ADAMTS9: variants seen among roughly 807,000 people sequenced by gnomAD.
ADAMTS9 encodes the protein A disintegrin and metalloproteinase with thrombospondin motifs 9.
A neutral mutation model predicts 257.1 loss-of-function variants in ADAMTS9; 107 were observed. That is an observed-to-expected ratio of 0.42 (90% confidence interval 0.36 to 0.49). The LOEUF (loss-of-function observed/expected upper bound fraction) is 0.49. Among genes scored for constraint, ADAMTS9 ranks in the 20% least tolerant of loss-of-function variants. The pLI is 0.03. For missense variants in ADAMTS9, 2,353 were observed against 2,469.1 expected (o/e 0.95, Z 1.00); for synonymous variants, 982 against 880.9 (o/e 1.11, Z -2.03).
chr3:64,681,106 G>T, intron 3 of ADAMTS9, 95 bp downstream of exon 3: 15 of 1,387,744 alleles, frequency 1.1e-5, no homozygotes, highest in Non-Finnish European at 1.5e-5. Flanking sequence ...GCATATGGTT[G>T]CACTTTGTAG....
chr3:64,555,697 A>G lies in ADAMTS9; in HGVS notation c.4699-4635T>C, dbSNP rs77988203. Among the ~76,000 whole-genome samples, 1,507 of 152,284 alleles carry G rather than the reference A, an allele frequency of 9.9e-3. 64 individuals carry two copies. Among genetic ancestry groups the G allele is most frequent in the East Asian group, 0.078 (404 of 5,170 alleles). ...TGATGCTGCAAAGGTGGGCCCAGGT[A>G]GCAGCAGATGAGCAGGAGAATGATG... On this transcript the variant is annotated intron_variant, in intron 30 of 39. Coordinates refer to ENST00000498707, the MANE Select transcript of ADAMTS9 (RefSeq NM_182920.2).
At chr3:64,653,311 T>C (rs927739750) in intron 8 of ADAMTS9, among the ~76,000 whole-genome samples, 1 of 152,204 alleles carries the variant, frequency 6.6e-6, no homozygotes, top group African/African-American at 2.4e-5. Flanking sequence ...ACTAAGCAGG[T>C]TGGGCCTGCC....
intron 14 of ADAMTS9, among the ~76,000 whole-genome samples, chr3:64,632,163 A>G (rs146599307): frequency 6.6e-6 from 1 of 152,338 alleles, no homozygotes; most frequent in East Asian, 1.9e-4. Context: ...GGACCCACCC[A>G]GATCTACTGG....
chr3:64,603,833 A>T, intron 25 of ADAMTS9, 89 bp downstream of exon 25: 2 of 1,403,280 alleles, frequency 1.4e-6, no homozygotes, highest in Non-Finnish European at 2.0e-6. Context: ...ACCCATTGAC[A>T]TTTCCAAGTG....
chr3:64,633,833 T>C lies in ADAMTS9; in HGVS notation c.1903A>G (p.Lys635Glu). 1 of 1,613,432 alleles carries C rather than the reference T, an allele frequency of 6.2e-7. No homozygotes were observed. Among genetic ancestry groups the C allele is most frequent in the Non-Finnish European group, 8.5e-7 (1 of 1,179,918 alleles). The change falls in exon 13 of 40, where the codon AAG becomes GAG. Residue 635 changes from lysine (K) to glutamate (E), a missense_variant. Physicochemically the swap from Lys to Glu is moderately conservative, Grantham distance 56. Around this residue, in one of 3 missense-constraint regions of ADAMTS9, gnomAD observed 360 missense variants for 458.1 expected, o/e 0.79. Coordinates refer to ENST00000498707, the MANE Select transcript of ADAMTS9 (RefSeq NM_182920.2). ...KYCVGRRMKF[K>E]SCNTEPCLKQ... ...AGACATGGCTCCGTGTTGCAGGACT[T>C]AAATTTCATTCTACGTCCTACACAG... is the stretch of plus-strand genomic sequence containing the variant.
At chr3:64,570,017 A>T (rs2083640589) in intron 28 of ADAMTS9, among the ~76,000 whole-genome samples, 1 of 152,226 alleles carries the variant, frequency 6.6e-6, no homozygotes, top group African/African-American at 2.4e-5. Flanking sequence ...ACAAATCTCT[A>T]GAAGTATGCT....
chr3:64,687,730 G>A lies in ADAMTS9; in HGVS notation c.-73C>T, dbSNP rs942661536. 8.0e-6 allele frequency: 10 copies of A among 1,243,374 alleles called. No homozygotes were observed. The highest frequency in any genetic ancestry group is 1.6e-5 in the African/African-American group (1 of 63,210). 77.0% of individuals were successfully genotyped at this position (1,243,374 alleles called of 1,614,324 possible). ...CCCTCCTTGGCTGCGGCGGCGACGC[G>A]AGGCAGCGGCCGTGGAGAGCGCGCG... is the stretch of plus-strand genomic sequence containing the variant. On this transcript the variant is annotated 5_prime_UTR_variant, in exon 1 of 40. Transcript: ENST00000498707. The surrounding 1 kb of genome is among the most constrained non-coding windows in gnomAD (Gnocchi z 4.4).
At chr3:64,564,587 G>T (rs1232235064) in intron 29 of ADAMTS9, among the ~76,000 whole-genome samples, 2 of 151,660 alleles carry the variant, frequency 1.3e-5, no homozygotes, top group African/African-American at 4.9e-5. Context: ...GTATACTGAG[G>T]TTTCTCAATT....
chr3:64,621,143 A>G lies in ADAMTS9; in HGVS notation c.2784T>C (p.Thr928=), dbSNP rs760237679. 3.7e-6 allele frequency: 6 copies of G among 1,613,758 alleles called. No homozygotes were observed. The African/African-American group carries it at 6.7e-5, about 18-fold the overall frequency. The change falls in exon 19 of 40, where the codon ACT becomes ACC. Residue 928 remains threonine, a synonymous_variant. Transcript: ENST00000498707. ...CDRLPQPGHI[T]EPCGTDCDLR... ...GGTCACAGTCTGTACCACAGGGTTC[A>G]GTAATGTGTCCAGGCTGGGGCAGCC...
At chr3:64,636,183 G>A (rs984597535) in intron 12 of ADAMTS9, among the ~76,000 whole-genome samples, 4 of 152,012 alleles carry the variant, frequency 2.6e-5, no homozygotes, top group African/African-American at 9.7e-5. Flanking sequence ...ATTTATAGGT[G>A]GCTTCCCTTC....
At chr3:64,647,119 A>C (rs1232423151) in intron 11 of ADAMTS9, among the ~76,000 whole-genome samples, 2 of 152,218 alleles carry the variant, frequency 1.3e-5, no homozygotes, top group African/African-American at 4.8e-5. Context: ...AAATATATAT[A>C]AGGATAACAA....
chr3:64,601,055 A>G (rs191408316), intron 26 of ADAMTS9, among the ~76,000 whole-genome samples: 1 of 152,240 alleles, frequency 6.6e-6, no homozygotes, highest in Non-Finnish European at 1.5e-5. Context: ...ATTGCACAGC[A>G]TATTTTTTTT....
intron 8 of ADAMTS9, among the ~76,000 whole-genome samples, chr3:64,653,263 A>G (rs1700977117): frequency 6.6e-6 from 1 of 152,204 alleles, no homozygotes; most frequent in Non-Finnish European, 1.5e-5. Context: ...GAGTTTCACA[A>G]AAGTGCCTCA....
intron 29 of ADAMTS9, among the ~76,000 whole-genome samples, chr3:64,562,128 A>G (rs1446846426): frequency 6.6e-6 from 1 of 152,216 alleles, no homozygotes; most frequent in Non-Finnish European, 1.5e-5. Context: ...GAGACTCATG[A>G]AAACTGGAGA....
intron 12 of ADAMTS9, 141 bp from the exon 13 acceptor site, chr3:64,634,020 G>A (rs1700435194): frequency 5.2e-6 from 4 of 765,420 alleles, no homozygotes; most frequent in Non-Finnish European, 8.3e-6. Flanking sequence ...CAAGAGCTCT[G>A]ATCCCTGGTT....
chr3:64,659,918 A>G (rs1701184286), intron 3 of ADAMTS9, among the ~76,000 whole-genome samples: 1 of 152,158 alleles, frequency 6.6e-6, no homozygotes, highest in African/African-American at 2.4e-5. Flanking sequence ...CCAGGCCTGA[A>G]TCTAAACTTA....
At chr3:64,537,087 G>T (rs888698454) in intron 37 of ADAMTS9, among the ~76,000 whole-genome samples, 6 of 152,162 alleles carry the variant, frequency 3.9e-5, no homozygotes, top group African/African-American at 1.4e-4. Context: ...CAGTGTAGCT[G>T]GTGCTCAATA....
At chr3:64,650,903 C>A in intron 9 of ADAMTS9, 114 bp downstream of exon 9, 11 of 900,730 alleles carry the variant, frequency 1.2e-5, no homozygotes, top group South Asian at 2.1e-5. Context: ...CAAGGAATGT[C>A]AACAAAAATA....
Position 64,687,082 on chromosome 3 carries a change from T to C in ADAMTS9, c.116-114A>G. On this transcript the variant is annotated intron_variant, in intron 1 of 39. Coordinates refer to ENST00000498707, the MANE Select transcript of ADAMTS9 (RefSeq NM_182920.2). This position sits in a 1 kb window ranked among gnomAD's most constrained non-coding sequence, Gnocchi z 4.4. ...TTATTTTCCAGCCCATTCGAGTCAA[T>C]CCCTTCACCCTTAATCAGTGGACAA... 1.6e-6 allele frequency: 2 copies of C among 1,270,086 alleles called. No individual in the cohort carries two copies. The highest frequency in any genetic ancestry group is 2.2e-6 in the Non-Finnish European group (2 of 921,240). 78.7% of individuals were successfully genotyped at this position (1,270,086 alleles called of 1,614,324 possible).
Sources: gnomAD v4.1 joint callset for allele counts (sites outside exome capture counted in the v4.1 genomes callset) on GRCh38, gnomAD v4.1.1 for gene constraint, gnomAD v4.1.1 regional missense constraint, Gnocchi (gnomAD v3.1) non-coding constraint, MANE v1.5 for transcripts, NCBI Gene and HGNC (gene_info 2026-07-23, HGNC 2026-07-21) for gene names.